TCP11: variants seen among roughly 807,000 people sequenced by gnomAD.
TCP11 encodes the protein t-complex 11.
A neutral mutation model predicts 45.0 loss-of-function variants in TCP11; 34 were observed. The observed-to-expected ratio is 0.76, with a 90% CI of 0.57 to 1.01. The LOEUF is 1.01. Among genes scored for constraint, TCP11 ranks in the 50% least tolerant of loss-of-function variants. The pLI is 0.00. For synonymous variants in TCP11, 227 were observed against 227.0 expected, an observed-to-expected ratio of 1.00 and a Z score of 0.00; for missense variants, 523 against 598.1, an observed-to-expected ratio of 0.87 and a Z score of 1.31.
At chr6:35,140,484 C>T in intron 2 of TCP11, 1 of 606,824 alleles carries the variant, frequency 1.6e-6, no homozygotes. Context: ...AAATACAATA[C>T]AAAGGAGGGC....
At chr6:35,119,529 C>G in intron 8 of TCP11, 138 bp from the exon 9 acceptor site, 1 of 1,053,650 alleles carries the variant, frequency 9.5e-7, no homozygotes, top group Non-Finnish European at 1.4e-6. Flanking sequence ...AACCCCAGCC[C>G]CTGGCAGGCT....
chr6:35,133,900 A>G (rs555135844), intron 3 of TCP11, among the ~76,000 whole-genome samples: 2 of 152,316 alleles, frequency 1.3e-5, no homozygotes, highest in African/African-American at 2.4e-5. Flanking sequence ...CACAATGTCA[A>G]TATAACTAAG....
chr6:35,140,906 GT>G, intron 1 of TCP11, 22 bp from the exon 2 acceptor site: 1 of 1,527,654 alleles, frequency 6.5e-7, no homozygotes, highest in South Asian at 1.3e-5. Flanking sequence ...AGAAAGGCGT[GT>G]TGTTGGCGTC....
At chr6:35,136,284 T>G in intron 2 of TCP11, 66 bp from the exon 3 acceptor site, 2 of 1,226,674 alleles carry the variant, frequency 1.6e-6, no homozygotes, top group Admixed American at 4.1e-5. Flanking sequence ...ATTCACTCAA[T>G]CTAGTAGGCC....
rs536415950 is a variant in TCP11 at position 35,141,174 on chromosome 6, C to G, written c.-15+31G>C. 2,474 of 1,364,308 alleles carry G rather than the reference C, an allele frequency of 1.8e-3. 10 individuals are homozygous for G. Among genetic ancestry groups the G allele is most frequent in the African/African-American group, 0.016 (1,054 of 65,676 alleles). The allele number at this position is 1,364,308 out of a possible 1,614,324, so 84.5% of individuals were successfully genotyped here. On this transcript the variant is annotated intron_variant, in intron 1 of 9. Transcript: ENST00000311875. ...TGCCCCCCTCGCCCGAAACGCCGGC[C>G]CAGGCCCGCCTCCGGCTCCCAGGCC...
chr6:35,125,196 A>G (rs1779688611), intron 4 of TCP11, among the ~76,000 whole-genome samples: 1 of 151,498 alleles, frequency 6.6e-6, no homozygotes, highest in East Asian at 1.9e-4. Context: ...AAAAAAAAAA[A>G]AAAGAAAGAA....
In TCP11 at chr6:35,119,261, C is replaced by A; in HGVS notation, c.1246G>T (p.Ala416Ser). The A allele has an allele frequency of 6.2e-7, 1 of 1,614,202 alleles. No individual in the cohort carries two copies. The highest frequency in any genetic ancestry group is 8.5e-7 in the Non-Finnish European group (1 of 1,180,022). ...CTGCAGACACAGTTCTCCTTCTTGG[C>A]AATGTTCTGGAGCTGTCCCATTAGA... The part of the protein sequence containing the change: ...ASLMGQLQNI[A>S]KKENCVCSVI... Residue 416 changes from alanine (A) to serine (S), a missense_variant, in exon 9 of 10, where the codon GCC becomes TCC. Physicochemically the swap from Ala to Ser is moderately conservative, Grantham distance 99. This residue lies in a region of TCP11 where 298 missense variants were observed against 387.9 expected (regional missense o/e 0.77). Coordinates refer to ENST00000311875, the MANE Select transcript of TCP11 (RefSeq NM_001370687.1).
At chr6:35,123,929 A>C (rs565712980) in intron 4 of TCP11, among the ~76,000 whole-genome samples, 1 of 152,200 alleles carries the variant, frequency 6.6e-6, no homozygotes, top group Non-Finnish European at 1.5e-5. Flanking sequence ...CTGGAACTAC[A>C]GGTATGACCA....
At position 35,120,062 on chromosome 6, in the gene TCP11, G is replaced by A; in HGVS notation, c.1115+97C>T. 6.9e-7 allele frequency: 1 copy of A among 1,443,608 alleles called. No homozygotes were observed. Among genetic ancestry groups the A allele is most frequent in the Non-Finnish European group, 9.3e-7 (1 of 1,071,902 alleles). 89.4% of individuals were successfully genotyped at this position (1,443,608 alleles called of 1,614,324 possible). A position where few individuals can be genotyped will look rare whatever the true frequency, so the allele number is the denominator to read the frequency against. ...GTAGATGGTTCCACAGGGCCTTTCT[G>A]TGGTTTGTGGTAGACAGTAAGCAAT... On this transcript the variant is annotated intron_variant, in intron 8 of 9. Transcript: ENST00000311875. The surrounding 1 kb of genome is among the most constrained non-coding windows in gnomAD (Gnocchi z 4.9).
intron 2 of TCP11, chr6:35,137,839 G>A: frequency 2.2e-6 from 1 of 455,402 alleles, no homozygotes; most frequent in South Asian, 1.6e-5. Flanking sequence ...GCCACGAGTT[G>A]ATCATTGTTG....
At position 35,140,756 on chromosome 6, in the gene TCP11, G is replaced by C. The variant is rs779675502; in HGVS notation, c.115C>G (p.Pro39Ala). 23 of 1,527,594 alleles carry C rather than the reference G, an allele frequency of 1.5e-5. No homozygotes were observed. The highest frequency in any genetic ancestry group is 1.8e-5 in the Non-Finnish European group (21 of 1,142,300). The allele number at this position is 1,527,594 out of a possible 1,614,324, so 94.6% of individuals were successfully genotyped here. A position where few individuals can be genotyped will look rare whatever the true frequency, so the allele number is the denominator to read the frequency against. Residue 39 changes from proline (P) to alanine (A), a missense_variant, in exon 2 of 10, where the codon CCC becomes GCC. Coordinates refer to ENST00000311875, the MANE Select transcript of TCP11 (RefSeq NM_001370687.1). ...PQEDKSGSED[P>A]PPFLSVTGLT... ...GCCGAGCTGGACCTACAGGGAGGGG[G>C]GTCCTCGGAGCCGCTCTTGTCTTCC...
chr6:35,125,251 T>C (rs1007314062), intron 4 of TCP11, among the ~76,000 whole-genome samples: 3 of 150,634 alleles, frequency 2.0e-5, no homozygotes, highest in Non-Finnish European at 4.4e-5. Context: ...ACTACAAAAC[T>C]CTTTGGAGAA....
chr6:35,141,221 G>T lies in TCP11; in HGVS notation c.-31C>A, dbSNP rs780928392. 14 of 1,405,066 alleles carry T rather than the reference G, an allele frequency of 1.0e-5. No individual in the cohort carries two copies. Among genetic ancestry groups the T allele is most frequent in the African/African-American group, 1.5e-5 (1 of 66,832 alleles). 87.0% of individuals were successfully genotyped at this position (1,405,066 alleles called of 1,614,324 possible). On this transcript the variant is annotated 5_prime_UTR_variant, in exon 1 of 10. Coordinates refer to ENST00000311875, the MANE Select transcript of TCP11 (RefSeq NM_001370687.1). The stretch of plus-strand genomic sequence containing the variant: ...GGCCGTCACCTCCTCCTCCCCCGCC[G>T]CGGGTCATCCACTGGCGTCCGCTCG...
intron 5 of TCP11, among the ~76,000 whole-genome samples, chr6:35,121,390 C>T (rs728238): frequency 0.18 from 27,041 of 150,556 alleles, 3,018 homozygotes; most frequent in African/African-American, 0.29. Context: ...TTCTGACTCA[C>T]TGGACCAACT....
intron 4 of TCP11, among the ~76,000 whole-genome samples, chr6:35,124,494 G>C (rs930930276): frequency 6.6e-6 from 1 of 152,150 alleles, no homozygotes; most frequent in African/African-American, 2.4e-5. Context: ...CCTTACTATA[G>C]AACACTGGGT....
At chr6:35,140,589 C>T (rs948087903) in intron 2 of TCP11, 158 bp downstream of exon 2, 1 of 691,002 alleles carries the variant, frequency 1.4e-6, no homozygotes, top group South Asian at 1.5e-5. Flanking sequence ...AAGACCTCTG[C>T]CCTCGGGCCT....
At chr6:35,122,381 C>T in intron 4 of TCP11, 44 bp from the exon 5 acceptor site, 1 of 1,577,116 alleles carries the variant, frequency 6.3e-7, no homozygotes, top group African/African-American at 1.4e-5. Flanking sequence ...GTTTAGATCC[C>T]CAAACTTTAT....
intron 2 of TCP11, 57 bp downstream of exon 2, chr6:35,140,690 G>C (rs9469948): frequency 9.5e-7 from 1 of 1,049,166 alleles, no homozygotes; most frequent in Non-Finnish European, 1.4e-6. Flanking sequence ...GGGGCCTGCG[G>C]ACCCCCCACA....
At chr6:35,119,133 C>CT in intron 9 of TCP11, 95 bp downstream of exon 9, 1 of 1,485,096 alleles carries the variant, frequency 6.7e-7, no homozygotes, top group South Asian at 1.3e-5. Context: ...AATGACGTAC[C>CT]TAATGACCAT....
Sources: gnomAD v4.1 joint callset for allele counts (sites outside exome capture counted in the v4.1 genomes callset) on GRCh38, gnomAD v4.1.1 for gene constraint, gnomAD v4.1.1 regional missense constraint, Gnocchi (gnomAD v3.1) non-coding constraint, MANE v1.5 for transcripts, NCBI Gene and HGNC (gene_info 2026-07-23, HGNC 2026-07-21) for gene names.